Variants in RPTN observed in about 807,000 individuals in gnomAD.
RPTN encodes the protein intermediate filament-associated protein.
RPTN carries 4 observed loss-of-function variants against 3.6 expected under a neutral mutation model. The observed-to-expected ratio is 1.12, with a 90% CI of 0.55 to 2.55. The LOEUF (loss-of-function observed/expected upper bound fraction) is 2.55. Ranked by LOEUF, RPTN falls within the 30% of genes most tolerant of loss-of-function variation. The pLI is 0.02. For synonymous variants in RPTN, 293 were observed against 319.3 expected (o/e 0.92, Z 0.88); for missense variants, 860 against 916.7 (o/e 0.94, Z 0.80).
intron 1 of RPTN, 57 bp from the exon 2 acceptor site, chr1:152,157,966 T>G: frequency 6.8e-7 from 1 of 1,479,176 alleles, no homozygotes; most frequent in Non-Finnish European, 9.4e-7. Flanking sequence ...GAGACAGCAT[T>G]TCCAGAGGGA....
chr1:152,158,130 C>T lies in RPTN; in HGVS notation c.-20-221G>A, dbSNP rs191314744. ...TTGGTTCCCTTGCTATAAAAAGAGA[C>T]AATTTCTTAAAAAACAAAAAATGCA... is the stretch of plus-strand genomic sequence containing the variant. On this transcript the variant is annotated intron_variant, in intron 1 of 2. Coordinates refer to ENST00000316073, the MANE Select transcript of RPTN (RefSeq NM_001122965.1). 1.3e-4 allele frequency among the ~76,000 whole-genome samples: 20 copies of T among 152,198 alleles called. No individual in the cohort carries two copies. In the East Asian group the frequency reaches 3.3e-3, roughly 25 times the overall value.
At chr1:152,157,419 C>T (rs532144060) in intron 2 of RPTN, among the ~76,000 whole-genome samples, 1 of 152,204 alleles carries the variant, frequency 6.6e-6, no homozygotes, top group African/African-American at 2.4e-5. Flanking sequence ...GTGTGGATAG[C>T]ACTAAATGAA....
In RPTN at chr1:152,155,255, C is replaced by T. The variant is rs752273474; in HGVS notation, c.1844G>A (p.Arg615Lys). The T allele has an allele frequency of 1.9e-6, 3 of 1,614,112 alleles. No homozygotes were observed. The highest frequency in any genetic ancestry group is 2.5e-6 in the Non-Finnish European group (3 of 1,180,046). ...RKASYVEQSG[R>K]SGRLSQQTPG... ...AGTCTGTTGACTTAGCCTCCCTGAT[C>T]TTCCTGATTGTTCAACATAAGAGGC... The change falls in exon 3 of 3, where the codon AGA becomes AAA. Residue 615 changes from arginine to lysine, a missense_variant. By Grantham distance (26) the Arg-to-Lys change is conservative. Transcript: ENST00000316073.
rs370015842 is a variant in RPTN, at chr1:152,155,933, G to C, written c.1166C>G (p.Ser389Cys). The C allele has an allele frequency of 9.9e-6, 16 of 1,613,248 alleles. No individual in the cohort carries two copies. Among genetic ancestry groups the C allele is most frequent in the Middle Eastern group, 1.6e-4 (1 of 6,078 alleles). The change falls in exon 3 of 3, where the codon TCT (serine) becomes TGT (cysteine). Residue 389 changes from serine to cysteine, a missense_variant. Physicochemically the swap from Ser to Cys is moderately radical, Grantham distance 112. Coordinates refer to ENST00000316073, the MANE Select transcript of RPTN (RefSeq NM_001122965.1). Reference sequence around the variant, plus strand: ...TTGTCTGTCTGTCTGACCATAGTGAGAACTCTGATCTTGTGTGTCTGGCTG... The same window carrying C: ...TTGTCTGTCTGTCTGACCATAGTGACAACTCTGATCTTGTGTGTCTGGCTG... ...YGQPDTQDQS[S>C]HYGQTDRQDQ...
rs1291785836 is a variant in RPTN at position 152,155,303 on chromosome 1, T to C, written c.1796A>G (p.Gln599Arg). 1.1e-5 allele frequency: 17 copies of C among 1,614,142 alleles called. No individual in the cohort carries two copies. Among genetic ancestry groups the C allele is most frequent in the Non-Finnish European group, 1.4e-5 (17 of 1,180,056 alleles). Residue 599 changes from glutamine to arginine, a missense_variant, in exon 3 of 3, where the codon CAA (glutamine) becomes CGA (arginine). By Grantham distance (43) the Gln-to-Arg change is conservative. Coordinates refer to ENST00000316073, the MANE Select transcript of RPTN (RefSeq NM_001122965.1). ...GEIQGQNKYF[Q>R]GTEGTRKASY... is the part of the protein sequence containing the mutation. ...GGCTTTTCTTGTTCCTTCAGTCCCT[T>C]GGAAGTACTTATTTTGCCCTTGTAT...
Position 152,154,500 on chromosome 1 carries a change from G to T in RPTN, c.*244C>A. 1 of 598,734 alleles carries T rather than the reference G, an allele frequency of 1.7e-6. No individual in the cohort carries two copies. The highest frequency in any genetic ancestry group is 2.9e-6 in the Non-Finnish European group (1 of 344,176). 37.1% of individuals were successfully genotyped at this position (598,734 alleles called of 1,614,324 possible). A position where few individuals can be genotyped will look rare whatever the true frequency, so the allele number is the denominator to read the frequency against. On this transcript the variant is annotated 3_prime_UTR_variant, in exon 3 of 3. Transcript: ENST00000316073. ...GTAGCTCCCTTGGCAGGGTGACCACGCTGTTCTCTGGTTTGGGGCCTCCCA... is the reference window on the plus strand; with the variant it reads ...GTAGCTCCCTTGGCAGGGTGACCACTCTGTTCTCTGGTTTGGGGCCTCCCA...
In RPTN at chr1:152,156,686, T is replaced by A; in HGVS notation, c.413A>T (p.Glu138Val). Residue 138 changes from glutamate to valine, a missense_variant, in exon 3 of 3, where the codon GAG becomes GTG. By Grantham distance (121) the Glu-to-Val change is moderately radical (BLOSUM62 -2). Coordinates refer to ENST00000316073, the MANE Select transcript of RPTN (RefSeq NM_001122965.1). ...ERQNSHHSQP[E>V]RQDGDSHHGQ... Reference sequence around the variant, plus strand: ...ATGGTGGGAATCTCCGTCTTGTCTCTCAGGCTGACTGTGGTGGGAGTTCTG... The same window carrying A: ...ATGGTGGGAATCTCCGTCTTGTCTCACAGGCTGACTGTGGTGGGAGTTCTG... 6.2e-7 allele frequency: 1 copy of A among 1,613,832 alleles called. No homozygotes were observed. The highest frequency in any genetic ancestry group is 8.5e-7 in the Non-Finnish European group (1 of 1,179,870).
intron 1 of RPTN, among the ~76,000 whole-genome samples, chr1:152,158,408 G>A (rs1035235906): frequency 6.6e-6 from 1 of 152,130 alleles, no homozygotes; most frequent in Non-Finnish European, 1.5e-5. Context: ...CTCTCTTCAC[G>A]GTCTAAGGAA....
intron 1 of RPTN, among the ~76,000 whole-genome samples, chr1:152,158,238 G>A (rs1659244975): frequency 6.6e-6 from 1 of 152,178 alleles, no homozygotes; most frequent in South Asian, 2.1e-4. Flanking sequence ...AAAAGGAGGG[G>A]AGGCCAGGAA....
Position 152,155,713 on chromosome 1 carries a change from G to C in RPTN, c.1386C>G (p.His462Gln), listed in dbSNP as rs955569331. 15 of 1,601,854 alleles carry C rather than the reference G, an allele frequency of 9.4e-6. No individual in the cohort carries two copies. Among genetic ancestry groups the C allele is most frequent in the Non-Finnish European group, 1.3e-5 (15 of 1,170,778 alleles). The change falls in exon 3 of 3, where the codon CAC becomes CAG. Residue 462 changes from histidine (H) to glutamine (Q), a missense_variant. Physicochemically the swap from His to Gln is conservative, Grantham distance 24 (BLOSUM62 0). Coordinates refer to ENST00000316073, the MANE Select transcript of RPTN (RefSeq NM_001122965.1). ...GQTDRQGQSS[H>Q]YGQTDRQGQS... ...GGCCTTGTCTGTCTGTCTGACCATA[G>C]TGGGAACTCTGGCCTTGTCTGTCTG... is the stretch of plus-strand genomic sequence containing the variant.
At chr1:152,157,025 G>T (rs1294262613) in intron 2 of RPTN, 65 bp from the exon 3 acceptor site, 32 of 1,383,382 alleles carry the variant, frequency 2.3e-5, no homozygotes, top group Non-Finnish European at 3.0e-5. Flanking sequence ...ATGTGTATCA[G>T]TGTTCATGCC....
chr1:152,154,872 G>A lies in RPTN; in HGVS notation c.2227C>T (p.Arg743Ter), dbSNP rs184952075. ...THKDEQNHQR[R>*]DRQTHEHEQS... is the part of the protein sequence containing the mutation. The stretch of plus-strand genomic sequence containing the variant: ...TCATGTTCATGGGTTTGTCTGTCTC[G>A]TCTCTGATGGTTCTGCTCATCTTTA... Residue 743 changes from arginine to a stop codon, truncating the protein, a stop_gained, in exon 3 of 3, where the codon CGA (arginine) becomes TGA (stop). Transcript: ENST00000316073. LOFTEE classifies it low-confidence loss of function (END_TRUNC). 1.8e-4 allele frequency: 294 copies of A among 1,613,890 alleles called. 1 individual carries two copies. The African/African-American group carries it at 2.9e-3, about 16-fold the overall frequency.
Position 152,156,396 on chromosome 1 carries a change from T to C in RPTN, c.703A>G (p.Ile235Val). ...GACTGACCATAATGAGAATCCTGAA[T>C]TGGTTTTTCACACCGATTTAAGGCA... ...IFALNRCEKP[I>V]QDSHYGQSER... The change falls in exon 3 of 3, where the codon ATT (isoleucine) becomes GTT (valine). Residue 235 changes from isoleucine to valine, a missense_variant. Physicochemically the swap from Ile to Val is conservative, Grantham distance 29. Coordinates refer to ENST00000316073, the MANE Select transcript of RPTN (RefSeq NM_001122965.1). 6.2e-7 allele frequency: 1 copy of C among 1,614,254 alleles called. No individual in the cohort carries two copies. The highest frequency in any genetic ancestry group is 8.5e-7 in the Non-Finnish European group (1 of 1,180,046).
rs1659204110 is a variant in RPTN, at chr1:152,156,306, G to C, written c.793C>G (p.Gln265Glu). Residue 265 changes from glutamine to glutamate, a missense_variant, in exon 3 of 3, where the codon CAG (glutamine) becomes GAG (glutamate). By Grantham distance (29) the Gln-to-Glu change is conservative. Transcript: ENST00000316073. ...TGTCCACAATAAGAGCCTGATTTCT[G>C]TTGATTTGTCTGGTTAAAGTGAGAG... ...QASHFNQTNQQKSGSYCGQSE... is the reference protein window; with the variant it reads ...QASHFNQTNQEKSGSYCGQSE... 3 of 1,614,244 alleles carry C rather than the reference G, an allele frequency of 1.9e-6. No individual in the cohort carries two copies. The East Asian group carries it at 6.7e-5, about 36-fold the overall frequency.
In RPTN at chr1:152,154,508, C is replaced by G. The variant is rs546925285; in HGVS notation, c.*236G>C. On this transcript the variant is annotated 3_prime_UTR_variant, in exon 3 of 3. Coordinates refer to ENST00000316073, the MANE Select transcript of RPTN (RefSeq NM_001122965.1). The stretch of plus-strand genomic sequence containing the variant: ...CTTGGCAGGGTGACCACGCTGTTCT[C>G]TGGTTTGGGGCCTCCCACTGCTCTG... The G allele has an allele frequency of 9.3e-5, 58 of 622,544 alleles. No individual in the cohort carries two copies. Among genetic ancestry groups the G allele is most frequent in the African/African-American group, 8.8e-4 (48 of 54,448 alleles). 38.6% of individuals were successfully genotyped at this position (622,544 alleles called of 1,614,324 possible).
At position 152,153,973 on chromosome 1, in the gene RPTN, G is replaced by A. The variant is rs1281448803; in HGVS notation, c.*771C>T. 1 of 152,298 alleles carries A rather than the reference G, an allele frequency of 6.6e-6. No individual in the cohort carries two copies. Among genetic ancestry groups the A allele is most frequent in the Non-Finnish European group, 1.5e-5 (1 of 68,042 alleles). 9.4% of individuals were successfully genotyped at this position (152,298 alleles called of 1,614,324 possible). On this transcript the variant is annotated 3_prime_UTR_variant, in exon 3 of 3. Transcript: ENST00000316073. Reference sequence around the variant, plus strand: ...GAAATTCCTGATGTTTTATCCACAGGAGCCAAAGCTCACCAAATCTAGGGT... The same window carrying A: ...GAAATTCCTGATGTTTTATCCACAGAAGCCAAAGCTCACCAAATCTAGGGT...
At position 152,155,590 on chromosome 1, in the gene RPTN, G is replaced by A. The variant is rs72995312; in HGVS notation, c.1509C>T (p.Asp503=). The change falls in exon 3 of 3, where the codon GAC becomes GAT. Residue 503 remains aspartate, a synonymous_variant. Coordinates refer to ENST00000316073, the MANE Select transcript of RPTN (RefSeq NM_001122965.1). ...CATAGTGGGAACTTTGGCCTTGTCC[G>A]TCTGGCTGACCATAATGATAACTCT... ...QDQSYHYGQP[D]GQGQSSHYGQ... 0.011 allele frequency: 17,064 copies of A among 1,608,922 alleles called. 122 individuals are homozygous for A. The highest frequency in any genetic ancestry group is 0.021 in the African/African-American group (1,588 of 74,664).
At position 152,154,599 on chromosome 1, in the gene RPTN, T is replaced by C. The variant is rs1399620022; in HGVS notation, c.*145A>G. 1.8e-6 allele frequency: 2 copies of C among 1,120,442 alleles called. No homozygotes were observed. The highest frequency in any genetic ancestry group is 2.6e-6 in the Non-Finnish European group (2 of 774,936). The allele number at this position is 1,120,442 out of a possible 1,614,324, so 69.4% of individuals were successfully genotyped here. On this transcript the variant is annotated 3_prime_UTR_variant, in exon 3 of 3. Coordinates refer to ENST00000316073, the MANE Select transcript of RPTN (RefSeq NM_001122965.1). ...CCTTGGCTCTGGTCATCCTCTTTCA[T>C]GTGGAATTTTTCTCTGTTAGGACAG...
Position 152,156,937 on chromosome 1 carries a change from C to T in RPTN, c.162G>A (p.Val54=). Residue 54 remains valine (V), a synonymous_variant, in exon 3 of 3, where the codon GTG becomes GTA. Transcript: ENST00000316073. ...GATCTAAGAGGTTCAAGATGGTTTC[C>T]ACAGTCTCTGGGTCATTTGGTCTCT... is the stretch of plus-strand genomic sequence containing the variant. ...ILQRPNDPET[V]ETILNLLDQD... 1.2e-6 allele frequency: 2 copies of T among 1,613,720 alleles called. No individual in the cohort carries two copies. Among genetic ancestry groups the T allele is most frequent in the South Asian group, 2.2e-5 (2 of 91,002 alleles).
Sources: gnomAD v4.1 joint callset for allele counts (sites outside exome capture counted in the v4.1 genomes callset) on GRCh38, gnomAD v4.1.1 for gene constraint, MANE v1.5 for transcripts, NCBI Gene and HGNC (gene_info 2026-07-23, HGNC 2026-07-21) for gene names.